Variants in AKAP9 observed in about 807,000 individuals in gnomAD.
AKAP9 encodes the protein A-kinase anchor protein 9.
Under a neutral mutation model 488.5 loss-of-function variants are expected in AKAP9, and 311 were observed. The ratio of observed to expected loss-of-function variants is 0.64; its 90% CI spans 0.58 to 0.70. The LOEUF (loss-of-function observed/expected upper bound fraction) is 0.70, where lower values mean the gene tolerates loss of function less well. Among genes scored for constraint, AKAP9 ranks in the 30% least tolerant of loss-of-function variants. AKAP9 has a pLI of 0.00. For synonymous variants in AKAP9, 1,462 were observed against 1,483.5 expected, an observed-to-expected ratio of 0.99 and a Z score of 0.33; for missense variants, 4,215 against 4,374.5, an observed-to-expected ratio of 0.96 and a Z score of 1.03.
chr7:92,037,238 A>G (rs1484197075), intron 16 of AKAP9, among the ~76,000 whole-genome samples: 1 of 152,170 alleles, frequency 6.6e-6, no homozygotes, highest in Non-Finnish European at 1.5e-5. Flanking sequence ...AGCTTAGGCA[A>G]GATTATAGGA....
chr7:91,987,586 A>G (rs1797263102), intron 3 of AKAP9, among the ~76,000 whole-genome samples: 1 of 152,180 alleles, frequency 6.6e-6, no homozygotes, highest in South Asian at 2.1e-4. Flanking sequence ...CGTAGAAGTA[A>G]AGTTGATATT....
chr7:92,015,445 A>G (rs1204168080), intron 10 of AKAP9, among the ~76,000 whole-genome samples: 1 of 149,474 alleles, frequency 6.7e-6, no homozygotes, highest in Non-Finnish European at 1.5e-5. Flanking sequence ...GTTCACTGTG[A>G]CCTCTGCCTC....
In AKAP9 at chr7:92,064,340, C is replaced by A. The variant is rs143345393; in HGVS notation, c.5978-891C>A. On this transcript the variant is annotated intron_variant, in intron 24 of 49. Transcript: ENST00000356239. ...TAGTTAAAGACCCTAGGGATATGTT[C>A]TTTCCATTTTCTTCATTAGAAGATT... Among the ~76,000 whole-genome samples, 166 of 151,886 alleles carry A rather than the reference C, an allele frequency of 1.1e-3. 3 individuals are homozygous for A. In the East Asian group the frequency reaches 0.026, roughly 24 times the overall value.
chr7:91,992,798 G>T, intron 4 of AKAP9, 87 bp from the exon 5 acceptor site: 1 of 1,277,716 alleles, frequency 7.8e-7, no homozygotes, highest in Non-Finnish European at 1.1e-6. Context: ...TTTTAAAGTG[G>T]ACCTTGCTAT....
rs369882717 is a variant in AKAP9, at chr7:92,017,052, G to A, written c.3787G>A (p.Val1263Ile). The A allele has an allele frequency of 5.0e-6, 8 of 1,591,646 alleles. No homozygotes were observed. Among genetic ancestry groups the A allele is most frequent in the African/African-American group, 2.7e-5 (2 of 74,496 alleles). ...QENMHTLLNK[V>I]TEEYNKLLVL... is the part of the protein sequence containing the mutation. ...AAATATGCACACTCTTCTCAACAAA[G>A]TAACAGAAGAATACAACAAACTCTT... The change falls in exon 12 of 50, where the codon GTA becomes ATA. Residue 1263 changes from valine (V) to isoleucine (I), a missense_variant. This residue lies in a region of AKAP9 where 2,361 missense variants were observed against 2,430.0 expected (regional missense o/e 0.97). Coordinates refer to ENST00000356239, the MANE Select transcript of AKAP9 (RefSeq NM_005751.5).
intron 14 of AKAP9, among the ~76,000 whole-genome samples, chr7:92,029,598 G>A (rs765741800): frequency 6.6e-5 from 10 of 152,270 alleles, no homozygotes; most frequent in Non-Finnish European, 1.5e-4. Flanking sequence ...CCTATGTAAC[G>A]TAGTGAGACC....
chr7:92,097,968 C>G, intron 42 of AKAP9, 141 bp from the exon 43 acceptor site: 2 of 854,420 alleles, frequency 2.3e-6, no homozygotes, highest in Non-Finnish European at 3.8e-6. Flanking sequence ...AACTATCTAA[C>G]ACTTTGACCC....
At chr7:92,087,554 T>C (rs1248108859) in intron 37 of AKAP9, among the ~76,000 whole-genome samples, 3 of 152,054 alleles carry the variant, frequency 2.0e-5, no homozygotes, top group Non-Finnish European at 4.4e-5. Context: ...ATCAAATCAA[T>C]AGTTAAAAAT....
intron 1 of AKAP9, among the ~76,000 whole-genome samples, chr7:91,947,323 T>C (rs1791574650): frequency 6.6e-6 from 1 of 152,076 alleles, no homozygotes; most frequent in Non-Finnish European, 1.5e-5. Flanking sequence ...CGACTGCAGC[T>C]ATGAACTTTT....
intron 48 of AKAP9, chr7:92,107,711 C>T (rs965060199): frequency 6.8e-6 from 2 of 293,248 alleles, no homozygotes; most frequent in Admixed American, 4.5e-5. Context: ...ATTAGCCAGG[C>T]GTGGTGGCAG....
At chr7:92,033,442 C>CTTTTTTTTTTTTTTTTTTTTTT (rs35497475) in intron 16 of AKAP9, among the ~76,000 whole-genome samples, 8 of 107,338 alleles carry the variant, frequency 7.5e-5, no homozygotes, top group Admixed American at 1.0e-4. Flanking sequence ...CTTTTCTTTT[C>CTTTTTTTTTTTTTTTTTTTTTT]TTTTTTTTTT....
At chr7:91,969,276 G>A (rs1169213440) in intron 1 of AKAP9, among the ~76,000 whole-genome samples, 3 of 152,068 alleles carry the variant, frequency 2.0e-5, no homozygotes, top group Non-Finnish European at 4.4e-5. Flanking sequence ...GGTCAGAAAC[G>A]ATACTTGATA....
rs1022135255 is a variant in AKAP9, at chr7:92,110,009, G to C, written c.11687-113G>C. The stretch of plus-strand genomic sequence containing the variant: ...AAGAGGACATTTTAAGGAAAAAAAG[G>C]GCTTTAAAAAAATGGAGAATAATAA... On this transcript the variant is annotated intron_variant, in intron 49 of 49. Coordinates refer to ENST00000356239, the MANE Select transcript of AKAP9 (RefSeq NM_005751.5). 10 of 810,960 alleles carry C rather than the reference G, an allele frequency of 1.2e-5. No homozygotes were observed. In the South Asian group the frequency reaches 1.5e-4, roughly 12 times the overall value. 50.2% of individuals were successfully genotyped at this position (810,960 alleles called of 1,614,324 possible).
chr7:92,102,491 C>CTACTACTACTACTACTACT, intron 45 of AKAP9, 103 bp from the exon 46 acceptor site: 1 of 656,630 alleles, frequency 1.5e-6, no homozygotes, highest in Non-Finnish European at 2.6e-6. Flanking sequence ...CTACTACTAC[C>CTACTACTACTACTACTACT]ACCACCACCA....
chr7:92,007,281 C>CT lies in AKAP9; in HGVS notation c.3318+4075dup, dbSNP rs35623219. On this transcript the variant is annotated intron_variant, in intron 8 of 49. Coordinates refer to ENST00000356239, the MANE Select transcript of AKAP9 (RefSeq NM_005751.5). ...AAAATTAAGCATGAGAACTGAAATT[C>CT]TTTTTTTTTTTTTTTTTTTTTTTTT... 7.0e-3 allele frequency among the ~76,000 whole-genome samples: 589 copies of CT among 84,142 alleles called. 68 individuals are homozygous for CT. The highest frequency in any genetic ancestry group is 0.016 in the Middle Eastern group (2 of 122). 55.2% of individuals were successfully genotyped at this position (84,142 alleles called of 152,430 possible). A position where few individuals can be genotyped will look rare whatever the true frequency, so the allele number is the denominator to read the frequency against.
chr7:91,999,412 G>T (rs1272828327), intron 7 of AKAP9, among the ~76,000 whole-genome samples: 1 of 152,100 alleles, frequency 6.6e-6, no homozygotes, highest in Non-Finnish European at 1.5e-5. Flanking sequence ...TTTTAGTAGA[G>T]ACAGGGTTTC....
chr7:92,108,639 C>CT lies in AKAP9; in HGVS notation c.11686+7dup. The CT allele has an allele frequency of 3.1e-6, 5 of 1,614,128 alleles. No homozygotes were observed. The highest frequency in any genetic ancestry group is 4.2e-6 in the Non-Finnish European group (5 of 1,180,024). On this transcript the variant is annotated splice_region_variant and intron_variant, in intron 49 of 49. Coordinates refer to ENST00000356239, the MANE Select transcript of AKAP9 (RefSeq NM_005751.5). The stretch of plus-strand genomic sequence containing the variant: ...ACTTGGAACTATACAGTCAGGTGCT[C>CT]TGAGTTTAACCACATCTTGGCAGCA...
At chr7:91,971,982 CTTTTTTTT>C (rs71107846) in intron 1 of AKAP9, among the ~76,000 whole-genome samples, 2 of 91,890 alleles carry the variant, frequency 2.2e-5, no homozygotes, top group Non-Finnish European at 4.1e-5. Flanking sequence ...TTTTGCCTCT[CTTTTTTTT>C]TTTTTTTTTT....
intron 1 of AKAP9, among the ~76,000 whole-genome samples, chr7:91,948,992 C>T (rs1406195718): frequency 6.6e-6 from 1 of 152,166 alleles, no homozygotes; most frequent in East Asian, 1.9e-4. Context: ...CTCAGGTGAT[C>T]TGCCCACCTC....
Sources: gnomAD v4.1 joint callset for allele counts (sites outside exome capture counted in the v4.1 genomes callset) on GRCh38, gnomAD v4.1.1 for gene constraint, gnomAD v4.1.1 regional missense constraint, MANE v1.5 for transcripts, NCBI Gene and HGNC (gene_info 2026-07-23, HGNC 2026-07-21) for gene names.